LINGO2: variants seen among roughly 807,000 people sequenced by gnomAD.
The protein encoded by LINGO2 is leucine rich repeat and Ig domain containing 2.
Under a neutral mutation model 30.6 loss-of-function variants are expected in LINGO2, and 14 were observed. That is an observed-to-expected ratio of 0.46 (90% CI 0.30 to 0.72). The LOEUF is 0.72. Ranked by LOEUF, LINGO2 falls within the 30% of genes least tolerant of loss-of-function variation. The pLI is 0.07. For missense variants in LINGO2, 729 were observed against 751.7 expected, an observed-to-expected ratio of 0.97 and a Z score of 0.35; for synonymous variants, 317 against 288.5, an observed-to-expected ratio of 1.10 and a Z score of -1.00.
chr9:28,985,860 G>A, the LINGO2 span, among the ~76,000 whole-genome samples: 3,417 of 152,024 alleles, frequency 0.022, 134 homozygotes, highest in African/African-American at 0.078. Context: ...AAGCTCTTTT[G>A]TTTGACCTAA....
chr9:28,602,911 T>C (rs886288869), intron 1 of LINGO2, among the ~76,000 whole-genome samples: 4 of 152,082 alleles, frequency 2.6e-5, no homozygotes, highest in African/African-American at 4.8e-5. Flanking sequence ...TATGGCAAAG[T>C]ATGATCTAGT....
Position 28,528,638 on chromosome 9 carries a change from C to T in LINGO2, c.-364-52613G>A, listed in dbSNP as rs557945312. On this transcript the variant is annotated intron_variant, in intron 1 of 5. Transcript: ENST00000379992. Reference sequence around the variant, plus strand: ...AAAGGGAGGTACATGAGTTGTACTACATAATTGTCTTTGAATTGTATTACA... The same window carrying T: ...AAAGGGAGGTACATGAGTTGTACTATATAATTGTCTTTGAATTGTATTACA... 3.3e-5 allele frequency among the ~76,000 whole-genome samples: 5 copies of T among 152,220 alleles called. No homozygotes were observed. In the South Asian group the frequency reaches 1.0e-3, roughly 32 times the overall value.
chr9:28,476,555 G>T (rs1022798095), intron 1 of LINGO2, among the ~76,000 whole-genome samples: 1 of 152,200 alleles, frequency 6.6e-6, no homozygotes, highest in Admixed American at 6.5e-5. Context: ...GATTACAGGC[G>T]TGAGCCACCG....
intron 1 of LINGO2, among the ~76,000 whole-genome samples, chr9:28,572,763 G>C (rs970251893): frequency 5.9e-5 from 9 of 152,042 alleles, no homozygotes; most frequent in Non-Finnish European, 1.2e-4. Context: ...GCGTATATTA[G>C]ACTCATATCT....
intron 4 of LINGO2, among the ~76,000 whole-genome samples, chr9:28,027,677 T>C (rs1209863711): frequency 6.6e-6 from 1 of 152,046 alleles, no homozygotes; most frequent in Non-Finnish European, 1.5e-5. Context: ...ATAAAACATA[T>C]TTTACAAACT....
chr9:28,334,518 A>C (rs1216996069), intron 3 of LINGO2, among the ~76,000 whole-genome samples: 1 of 152,220 alleles, frequency 6.6e-6, no homozygotes, highest in Non-Finnish European at 1.5e-5. Flanking sequence ...TGGGGTTTTT[A>C]TGAGGAAAAA....
chr9:29,188,719 C>T, the LINGO2 span, among the ~76,000 whole-genome samples: 4 of 131,980 alleles, frequency 3.0e-5, no homozygotes, highest in South Asian at 9.1e-4. Context: ...CCCCCACCTC[C>T]CTCTCGGATG....
chr9:29,072,082 G>C, the LINGO2 span, among the ~76,000 whole-genome samples: 816 of 152,126 alleles, frequency 5.4e-3, 8 homozygotes, highest in African/African-American at 0.019. Context: ...GCCTCCACTA[G>C]AAAGTTGGGC....
At chr9:29,184,459 T>C in the LINGO2 span, among the ~76,000 whole-genome samples, 5 of 152,072 alleles carry the variant, frequency 3.3e-5, no homozygotes, top group Admixed American at 1.3e-4. Context: ...GGGGAAGAAG[T>C]AGAGGGGAGG....
the LINGO2 span, among the ~76,000 whole-genome samples, chr9:29,065,750 A>C: frequency 6.6e-6 from 1 of 152,012 alleles, no homozygotes; most frequent in Non-Finnish European, 1.5e-5. Flanking sequence ...TGAATATGCT[A>C]AATTTCCAGA....
intron 4 of LINGO2, among the ~76,000 whole-genome samples, chr9:28,037,592 A>G (rs1823998287): frequency 1.3e-5 from 2 of 152,112 alleles, no homozygotes; most frequent in South Asian, 2.1e-4. Context: ...TTTGTTTGTT[A>G]TGTAGTTATT....
the LINGO2 span, among the ~76,000 whole-genome samples, chr9:29,191,613 C>G: frequency 6.6e-6 from 1 of 152,040 alleles, no homozygotes; most frequent in East Asian, 1.9e-4. Context: ...ACTGCTTAAG[C>G]TTATGAAAAC....
chr9:29,122,000 T>A, the LINGO2 span, among the ~76,000 whole-genome samples: 69 of 151,952 alleles, frequency 4.5e-4, 2 homozygotes, highest in South Asian at 0.012. Flanking sequence ...AGAAAAAGAG[T>A]TTAAAATGGA....
At chr9:28,284,981 G>C (rs1475036680) in intron 4 of LINGO2, among the ~76,000 whole-genome samples, 1 of 152,134 alleles carries the variant, frequency 6.6e-6, no homozygotes, top group Non-Finnish European at 1.5e-5. Flanking sequence ...AAATGCACTA[G>C]ACAAAGATAT....
chr9:28,401,397 G>T (rs1013191179), intron 2 of LINGO2, among the ~76,000 whole-genome samples: 1 of 151,856 alleles, frequency 6.6e-6, no homozygotes, highest in African/African-American at 2.4e-5. Context: ...TTTGGTTTTT[G>T]GTTTCTGTGT....
chr9:28,554,709 C>A (rs1183325305), intron 1 of LINGO2, among the ~76,000 whole-genome samples: 1 of 81,022 alleles, frequency 1.2e-5, no homozygotes, highest in Non-Finnish European at 2.3e-5. Flanking sequence ...TTTTTCAGCA[C>A]CACACCACAC....
chr9:27,957,286 G>A (rs998762055), intron 5 of LINGO2, among the ~76,000 whole-genome samples: 7 of 151,956 alleles, frequency 4.6e-5, no homozygotes, highest in Admixed American at 3.9e-4. Context: ...CTTGGTTACT[G>A]TAGCTTTTAT....
At chr9:28,844,124 G>A in the LINGO2 span, among the ~76,000 whole-genome samples, 1 of 151,822 alleles carries the variant, frequency 6.6e-6, no homozygotes, top group South Asian at 2.1e-4. Context: ...CACTTTGGGA[G>A]GCTGAGGCGG....
the LINGO2 span, among the ~76,000 whole-genome samples, chr9:29,098,929 C>T: frequency 6.6e-6 from 1 of 152,042 alleles, no homozygotes; most frequent in Non-Finnish European, 1.5e-5. Context: ...CCAAAGCTAT[C>T]CTGAGCAAAA....
Sources: allele counts gnomAD v4.1 joint callset (sites outside exome capture counted in the v4.1 genomes callset), GRCh38; gene constraint gnomAD v4.1.1; transcripts MANE v1.5; gene names NCBI Gene and HGNC (gene_info 2026-07-23, HGNC 2026-07-21).